Variants in ANKRD11 observed in about 807,000 individuals in gnomAD.
ANKRD11 encodes ankyrin repeat domain 11, also known as ankyrin repeat domain-containing protein 11.
In ANKRD11, 17 loss-of-function variants were observed where a neutral mutation model predicts 195.7. The ratio of observed to expected loss-of-function variants is 0.09; its 90% CI spans 0.06 to 0.13. The LOEUF (loss-of-function observed/expected upper bound fraction) is 0.13, where lower values mean the gene tolerates loss of function less well. Among genes scored for constraint, ANKRD11 ranks in the 10% least tolerant of loss-of-function variants. The pLI is 1.00. For synonymous variants in ANKRD11, 1,953 were observed against 1,528.1 expected, an observed-to-expected ratio of 1.28 and a Z score of -6.49; for missense variants, 3,735 against 3,566.1, an observed-to-expected ratio of 1.05 and a Z score of -1.21.
chr16:89,350,744 GATTCC>G (rs1315258620), intron 2 of ANKRD11, among the ~76,000 whole-genome samples: 1 of 152,176 alleles, frequency 6.6e-6, no homozygotes, highest in East Asian at 1.9e-4. Flanking sequence ...AGTTCCAACT[GATTCC>G]TTAAAACTCT....
intron 2 of ANKRD11, among the ~76,000 whole-genome samples, chr16:89,411,525 T>C (rs2042110657): frequency 6.6e-6 from 1 of 152,166 alleles, no homozygotes; most frequent in Admixed American, 6.5e-5. Context: ...GAGATCCTCC[T>C]ACCTCAACCT....
chr16:89,371,067 A>G (rs991699178), intron 2 of ANKRD11, among the ~76,000 whole-genome samples: 6 of 152,166 alleles, frequency 3.9e-5, no homozygotes. Flanking sequence ...GGACTTGTTC[A>G]GGTGAGAAAC....
chr16:89,300,557 G>A (rs2035786988), intron 4 of ANKRD11: 1 of 301,480 alleles, frequency 3.3e-6, no homozygotes, highest in Non-Finnish European at 6.1e-6. Flanking sequence ...TCACACACTT[G>A]TCGCCTCTAG....
At chr16:89,275,303 G>T in intron 9 of ANKRD11, 112 bp from the exon 10 acceptor site, 1 of 833,502 alleles carries the variant, frequency 1.2e-6, no homozygotes, top group Non-Finnish European at 1.9e-6. Flanking sequence ...CTAGGAGCCT[G>T]CCCTGGAGGC....
At chr16:89,393,871 C>T (rs910932966) in intron 2 of ANKRD11, among the ~76,000 whole-genome samples, 3 of 152,106 alleles carry the variant, frequency 2.0e-5, no homozygotes, top group African/African-American at 7.2e-5. Flanking sequence ...TGCTGATCTG[C>T]ATGAGGAAAA....
At chr16:89,416,839 T>C (rs1278863049) in intron 2 of ANKRD11, among the ~76,000 whole-genome samples, 1 of 151,796 alleles carries the variant, frequency 6.6e-6, no homozygotes, top group Non-Finnish European at 1.5e-5. Context: ...AGGTCAGCAG[T>C]ATCCTTTTCA....
chr16:89,442,276 C>T (rs1398269596), intron 1 of ANKRD11, among the ~76,000 whole-genome samples: 2 of 152,214 alleles, frequency 1.3e-5, no homozygotes, highest in African/African-American at 2.4e-5. Context: ...GATTTAATTT[C>T]AGTATTCTAC....
intron 1 of ANKRD11, among the ~76,000 whole-genome samples, chr16:89,428,253 C>T (rs562319601): frequency 4.3e-4 from 64 of 149,376 alleles, no homozygotes; most frequent in South Asian, 8.5e-4. Flanking sequence ...TGGCCGGGCA[C>T]GGTGGTTCAC....
rs3114864 is a variant in ANKRD11, at chr16:89,368,372, T to G, written c.-60+49912A>C. On this transcript the variant is annotated intron_variant, in intron 2 of 12. Transcript: ENST00000301030. Reference sequence around the variant, plus strand: ...CTGCCGTGCCTGGCTAATTTTTGTGTTTTTTTTTTTTTTTTTTTTTTTTTT... The same window carrying G: ...CTGCCGTGCCTGGCTAATTTTTGTGGTTTTTTTTTTTTTTTTTTTTTTTTT... Among the ~76,000 whole-genome samples, 15 of 3,482 alleles carry G rather than the reference T, an allele frequency of 4.3e-3. No individual in the cohort carries two copies. The South Asian group carries it at 0.056, about 13-fold the overall frequency. The allele number at this position is 3,482 out of a possible 152,430, so 2.3% of individuals were successfully genotyped here.
chr16:89,301,222 A>G, intron 4 of ANKRD11: 1 of 407,994 alleles, frequency 2.5e-6, no homozygotes, highest in Non-Finnish European at 4.3e-6. Context: ...TCCTCCCGCC[A>G]AAGTGCTGGA....
intron 2 of ANKRD11, among the ~76,000 whole-genome samples, chr16:89,371,787 A>C (rs1297656270): frequency 1.3e-5 from 2 of 152,146 alleles, no homozygotes; most frequent in Non-Finnish European, 2.9e-5. Flanking sequence ...GGTCTCCATC[A>C]AGGCCACGCC....
rs543472426 is a variant in ANKRD11, at chr16:89,282,025, T to C, written c.4517A>G (p.Asp1506Gly). The C allele has an allele frequency of 1.2e-6, 2 of 1,613,568 alleles. No homozygotes were observed. The highest frequency in any genetic ancestry group is 1.3e-5 in the African/African-American group (1 of 75,040). ...HRDEQKPATR[D>G]KDSPPRVLKD... ...GAGCACGCGGGGCGGGCTGTCCTTG[T>C]CCCTGGTGGCGGGCTTCTGCTCGTC... Residue 1506 changes from aspartate to glycine, a missense_variant, in exon 9 of 13, where the codon GAC becomes GGC. By Grantham distance (94) the Asp-to-Gly change is moderately conservative. Coordinates refer to ENST00000301030, the MANE Select transcript of ANKRD11 (RefSeq NM_013275.6).
intron 7 of ANKRD11, chr16:89,286,951 G>C (rs1360412896): frequency 7.8e-7 from 1 of 1,289,616 alleles, no homozygotes; most frequent in Admixed American, 2.3e-5. Context: ...CACAGAATCA[G>C]TTTCCAGTTC....
chr16:89,360,181 G>C (rs1373428022), intron 2 of ANKRD11, among the ~76,000 whole-genome samples: 2 of 152,120 alleles, frequency 1.3e-5, no homozygotes, highest in Non-Finnish European at 2.9e-5. Context: ...TCCTGAGTTA[G>C]TTTGCTGAGG....
chr16:89,372,279 G>C lies in ANKRD11; in HGVS notation c.-60+46005C>G, dbSNP rs537213407. On this transcript the variant is annotated intron_variant, in intron 2 of 12. Coordinates refer to ENST00000301030, the MANE Select transcript of ANKRD11 (RefSeq NM_013275.6). ...AGCCCGAGCCTCTCACTGAGATTAAGAGGGGCTCTGGGGCAGGCGGAGGCG... is the reference window on the plus strand; with the variant it reads ...AGCCCGAGCCTCTCACTGAGATTAACAGGGGCTCTGGGGCAGGCGGAGGCG... Among the ~76,000 whole-genome samples the C allele has an allele frequency of 3.3e-5, 5 of 152,358 alleles. No homozygotes were observed. The South Asian group carries it at 8.3e-4, about 25-fold the overall frequency.
At position 89,279,060 on chromosome 16, in the gene ANKRD11, C is replaced by T. The variant is rs192674356; in HGVS notation, c.7470+12G>A. 12 of 1,613,642 alleles carry T rather than the reference C, an allele frequency of 7.4e-6. No individual in the cohort carries two copies. Among genetic ancestry groups the T allele is most frequent in the African/African-American group, 5.3e-5 (4 of 75,054 alleles). ...GAGAGAAGGCAGTGGCTCTCCCGGG[C>T]CCCGCACTCACCACGGGGATGTGGA... On this transcript the variant is annotated intron_variant, in intron 9 of 12. Coordinates refer to ENST00000301030, the MANE Select transcript of ANKRD11 (RefSeq NM_013275.6). This position sits in a 1 kb window ranked among gnomAD's most constrained non-coding sequence, Gnocchi z 5.6.
intron 1 of ANKRD11, among the ~76,000 whole-genome samples, chr16:89,480,812 A>C (rs1597547094): frequency 6.6e-6 from 1 of 152,138 alleles, no homozygotes; most frequent in East Asian, 1.9e-4. Flanking sequence ...TGCCGAGCTG[A>C]GCAGAGCCAG....
intron 2 of ANKRD11, among the ~76,000 whole-genome samples, chr16:89,403,313 CT>C (rs2041777969): frequency 6.6e-6 from 1 of 152,192 alleles, no homozygotes; most frequent in African/African-American, 2.4e-5. Context: ...CTGCTCCCCC[CT>C]CCTGACCGGC....
At chr16:89,471,990 A>C (rs1466417663) in intron 1 of ANKRD11, among the ~76,000 whole-genome samples, 1 of 151,958 alleles carries the variant, frequency 6.6e-6, no homozygotes, top group Non-Finnish European at 1.5e-5. Flanking sequence ...TTATCTCCAG[A>C]CACATCTCCT....
Sources: gnomAD v4.1 joint callset for allele counts (sites outside exome capture counted in the v4.1 genomes callset) on GRCh38, gnomAD v4.1.1 for gene constraint, Gnocchi (gnomAD v3.1) non-coding constraint, MANE v1.5 for transcripts, NCBI Gene and HGNC (gene_info 2026-07-23, HGNC 2026-07-21) for gene names.